The following INSYN2B variants were observed in gnomAD, a reference collection of about 807,000 sequenced individuals.
The protein encoded by INSYN2B is inhibitory synaptic factor family member 2B.
In INSYN2B, 16 loss-of-function variants were observed where a neutral mutation model predicts 41.2. The observed-to-expected ratio is 0.39, with a 90% CI of 0.26 to 0.59. The LOEUF (loss-of-function observed/expected upper bound fraction) is 0.59. Among genes scored for constraint, INSYN2B ranks in the 20% least tolerant of loss-of-function variants. INSYN2B has a pLI of 0.57. For synonymous variants in INSYN2B, 245 were observed against 244.4 expected (o/e 1.00, Z -0.02); for missense variants, 608 against 646.4 (o/e 0.94, Z 0.64).
At chr5:169,912,813 T>C (rs1331849220) in intron 1 of INSYN2B, among the ~76,000 whole-genome samples, 1 of 152,078 alleles carries the variant, frequency 6.6e-6, no homozygotes, top group Admixed American at 6.5e-5. Context: ...ACCAGAGTGT[T>C]GAGATTTTTT....
intron 1 of INSYN2B, among the ~76,000 whole-genome samples, chr5:169,968,317 C>T (rs908600120): frequency 6.6e-6 from 1 of 152,074 alleles, no homozygotes; most frequent in Non-Finnish European, 1.5e-5. Flanking sequence ...CGAGGCAGTC[C>T]TTTTAACCTC....
chr5:169,924,701 CT>C (rs983037337), intron 1 of INSYN2B, among the ~76,000 whole-genome samples: 1 of 152,106 alleles, frequency 6.6e-6, no homozygotes, highest in Non-Finnish European at 1.5e-5. Context: ...ATCTGAGAGG[CT>C]TTTTTTGAAG....
In INSYN2B at chr5:169,883,709, C is replaced by T; in HGVS notation, c.190G>A (p.Val64Met). ...VDVQTPEDPA[V>M]MGKTQATRHH... Reference sequence around the variant, plus strand: ...CTGGTTGCTTGAGTCTTCCCCATCACAGCCGGGTCTTCTGGAGTTTGGACG... The same window carrying T: ...CTGGTTGCTTGAGTCTTCCCCATCATAGCCGGGTCTTCTGGAGTTTGGACG... The change falls in exon 2 of 4, where the codon GTG becomes ATG. Residue 64 changes from valine (V) to methionine (M), a missense_variant. Transcript: ENST00000377365. The T allele has an allele frequency of 6.4e-7, 1 of 1,551,430 alleles. No individual in the cohort carries two copies. The highest frequency in any genetic ancestry group is 1.2e-5 in the South Asian group (1 of 84,028).
chr5:169,942,581 T>TGAG (rs1208793659), intron 1 of INSYN2B, among the ~76,000 whole-genome samples: 7 of 152,200 alleles, frequency 4.6e-5, no homozygotes, highest in Admixed American at 6.5e-5. Context: ...CCCTCCATTG[T>TGAG]GAGGAGGAGG....
intron 1 of INSYN2B, among the ~76,000 whole-genome samples, chr5:169,905,099 G>A (rs1484814395): frequency 6.6e-6 from 1 of 152,308 alleles, no homozygotes; most frequent in East Asian, 1.9e-4. Context: ...CAGTAAATAT[G>A]AGGTGCTGGC....
intron 3 of INSYN2B, among the ~76,000 whole-genome samples, chr5:169,872,121 C>G (rs1278271242): frequency 1.3e-5 from 2 of 152,202 alleles, no homozygotes; most frequent in Non-Finnish European, 2.9e-5. Flanking sequence ...GACAAACCAT[C>G]TTCCAAATTC....
chr5:169,887,930 C>T (rs1773065240), intron 1 of INSYN2B, among the ~76,000 whole-genome samples: 1 of 152,040 alleles, frequency 6.6e-6, no homozygotes, highest in Non-Finnish European at 1.5e-5. Flanking sequence ...TAATCATTGC[C>T]AATAAAGTAG....
intron 1 of INSYN2B, among the ~76,000 whole-genome samples, chr5:169,943,425 A>G (rs910664024): frequency 6.6e-6 from 1 of 152,100 alleles, no homozygotes; most frequent in Non-Finnish European, 1.5e-5. Flanking sequence ...CAGACTTTTA[A>G]AAAATGTGAA....
chr5:169,978,661 T>C (rs1220474942), intron 1 of INSYN2B, among the ~76,000 whole-genome samples: 1 of 152,068 alleles, frequency 6.6e-6, no homozygotes, highest in African/African-American at 2.4e-5. Flanking sequence ...CTCACTCTTT[T>C]CCTTTGGAGC....
intron 1 of INSYN2B, among the ~76,000 whole-genome samples, chr5:169,932,827 A>T (rs1581437499): frequency 6.6e-6 from 1 of 152,108 alleles, no homozygotes; most frequent in Non-Finnish European, 1.5e-5. Context: ...TTGTCTTTTT[A>T]AAAAAGAGAT....
chr5:169,939,660 G>T (rs987833215), intron 1 of INSYN2B, among the ~76,000 whole-genome samples: 1 of 152,168 alleles, frequency 6.6e-6, no homozygotes, highest in Non-Finnish European at 1.5e-5. Flanking sequence ...CCACTAGGAG[G>T]TAGGAATTTT....
chr5:169,942,178 T>C (rs1487434662), intron 1 of INSYN2B, among the ~76,000 whole-genome samples: 1 of 152,226 alleles, frequency 6.6e-6, no homozygotes, highest in Non-Finnish European at 1.5e-5. Context: ...TAGCATATCT[T>C]ATTTATGGCA....
chr5:169,969,393 C>T (rs1320591358), intron 1 of INSYN2B, among the ~76,000 whole-genome samples: 9 of 151,950 alleles, frequency 5.9e-5, no homozygotes, highest in Non-Finnish European at 2.9e-5. Context: ...TGCAGTGAGC[C>T]GAGATCACGC....
At chr5:169,962,301 T>A (rs1439292970) in intron 1 of INSYN2B, among the ~76,000 whole-genome samples, 2 of 152,086 alleles carry the variant, frequency 1.3e-5, no homozygotes, top group Non-Finnish European at 2.9e-5. Context: ...TCTGGCCATA[T>A]GTTATAGGTG....
chr5:169,979,638 T>C (rs1777868585), intron 1 of INSYN2B, among the ~76,000 whole-genome samples: 1 of 152,204 alleles, frequency 6.6e-6, no homozygotes, highest in Non-Finnish European at 1.5e-5. Context: ...AAAAAGATGC[T>C]TCTAGTCAGA....
chr5:169,962,868 T>C (rs907138232), intron 1 of INSYN2B, among the ~76,000 whole-genome samples: 2 of 152,128 alleles, frequency 1.3e-5, no homozygotes, highest in African/African-American at 2.4e-5. Context: ...GAATTCTCCT[T>C]GCCCAGAACA....
rs1771243482 is a variant in INSYN2B, at chr5:169,862,165, G to A, written c.*2108C>T. Among the ~76,000 whole-genome samples, 2 of 152,126 alleles carry A rather than the reference G, an allele frequency of 1.3e-5. No individual in the cohort carries two copies. Among genetic ancestry groups the A allele is most frequent in the African/African-American group, 4.8e-5 (2 of 41,434 alleles). On this transcript the variant is annotated 3_prime_UTR_variant, in exon 4 of 4. Transcript: ENST00000377365. ...TCACTCAGCTCACATAATGTGGAAC[G>A]TGCTAAGAGTTTATAAAGTAGGAAA...
At chr5:169,949,345 C>T (rs560955661) in intron 1 of INSYN2B, among the ~76,000 whole-genome samples, 1 of 152,234 alleles carries the variant, frequency 6.6e-6, no homozygotes, top group South Asian at 2.1e-4. Context: ...ACCTGGGAAG[C>T]CTCATGGAGG....
intron 1 of INSYN2B, among the ~76,000 whole-genome samples, chr5:169,975,952 A>G (rs1777704161): frequency 6.6e-6 from 1 of 152,200 alleles, no homozygotes; most frequent in Non-Finnish European, 1.5e-5. Flanking sequence ...CTGGATTGCT[A>G]GAATATAATT....
Sources: gnomAD v4.1 joint callset for allele counts (sites outside exome capture counted in the v4.1 genomes callset) on GRCh38, gnomAD v4.1.1 for gene constraint, MANE v1.5 for transcripts, NCBI Gene and HGNC (gene_info 2026-07-23, HGNC 2026-07-21) for gene names.